Variants in PCNT observed in about 807,000 individuals in gnomAD.
PCNT encodes the protein pericentrin, also known as kendrin.
A neutral mutation model predicts 380.4 loss-of-function variants in PCNT; 319 were observed. That is an observed-to-expected ratio of 0.84 (90% confidence interval 0.77 to 0.92). PCNT has a LOEUF of 0.92. Among genes scored for constraint, PCNT ranks in the 40% least tolerant of loss-of-function variants. The probability of loss-of-function intolerance (pLI) is 0.00; values close to 1 mark genes in which losing one functional copy is unlikely to be tolerated. For synonymous variants in PCNT, 1,845 were observed against 1,735.2 expected, an observed-to-expected ratio of 1.06 and a Z score of -1.57; for missense variants, 4,400 against 4,255.3, an observed-to-expected ratio of 1.03 and a Z score of -0.95.
At position 46,356,955 on chromosome 21, in the gene PCNT, C is replaced by T; in HGVS notation, c.1937-19C>T. On this transcript the variant is annotated intron_variant, in intron 12 of 46. Transcript: ENST00000359568. Reference sequence around the variant, plus strand: ...GCCGGCACCGGCCTGACTGTCTTCCCTGCTCCTTTTCCACACAGAGCTTCC... The same window carrying T: ...GCCGGCACCGGCCTGACTGTCTTCCTTGCTCCTTTTCCACACAGAGCTTCC... 1 of 1,611,572 alleles carries T rather than the reference C, an allele frequency of 6.2e-7. No individual in the cohort carries two copies. Among genetic ancestry groups the T allele is most frequent in the Non-Finnish European group, 8.5e-7 (1 of 1,178,354 alleles).
chr21:46,429,509 C>CG (rs1283591341), intron 35 of PCNT, among the ~76,000 whole-genome samples: 2 of 150,542 alleles, frequency 1.3e-5, no homozygotes, highest in Non-Finnish European at 3.0e-5. Context: ...CCGGTGCTGT[C>CG]TGAGTGCTCG....
chr21:46,332,519 G>A (rs773037246), intron 2 of PCNT, among the ~76,000 whole-genome samples: 3 of 152,216 alleles, frequency 2.0e-5, no homozygotes, highest in Admixed American at 6.5e-5. Context: ...GAAGTGGATG[G>A]TCCAGGTTCC....
chr21:46,436,095 G>GCTGCTC lies in PCNT; in HGVS notation c.8944_8949dup (p.Leu2982_Leu2983dup). The GCTGCTC allele has an allele frequency of 6.2e-7, 1 of 1,611,608 alleles. No homozygotes were observed. The highest frequency in any genetic ancestry group is 8.5e-7 in the Non-Finnish European group (1 of 1,179,868). On this transcript the variant is annotated inframe_insertion, in exon 39 of 47. Coordinates refer to ENST00000359568, the MANE Select transcript of PCNT (RefSeq NM_006031.6). ...GAGAGCTGGAGGCGATGAGGCAGCGGCTGCTCTCTGCCGCCCGGCTTCTCA... is the reference window on the plus strand; with the variant it reads ...GAGAGCTGGAGGCGATGAGGCAGCGGCTGCTCCTGCTCTCTGCCGCCCGGCTTCTCA...
chr21:46,428,577 G>A lies in PCNT; in HGVS notation c.7677G>A (p.Gln2559=). Residue 2559 remains glutamine, a synonymous_variant, in exon 35 of 47, where the codon CAG becomes CAA. Coordinates refer to ENST00000359568, the MANE Select transcript of PCNT (RefSeq NM_006031.6). ...AEARGSQQEH[Q]LRRQVELLAY... Reference sequence around the variant, plus strand: ...CGCGCGGGAGCCAGCAGGAGCACCAGCTGCGCAGGCAGGGTGGGTGTCACT... The same window carrying A: ...CGCGCGGGAGCCAGCAGGAGCACCAACTGCGCAGGCAGGGTGGGTGTCACT... 1 of 1,599,644 alleles carries A rather than the reference G, an allele frequency of 6.3e-7. No homozygotes were observed. The highest frequency in any genetic ancestry group is 8.5e-7 in the Non-Finnish European group (1 of 1,178,192).
chr21:46,388,670 C>T lies in PCNT; in HGVS notation c.3465-72C>T. 6.3e-7 allele frequency: 1 copy of T among 1,595,364 alleles called. No homozygotes were observed. Among genetic ancestry groups the T allele is most frequent in the Non-Finnish European group, 8.5e-7 (1 of 1,170,756 alleles). On this transcript the variant is annotated intron_variant, in intron 17 of 46. Coordinates refer to ENST00000359568, the MANE Select transcript of PCNT (RefSeq NM_006031.6). The surrounding 1 kb of genome is among the most constrained non-coding windows in gnomAD (Gnocchi z 4.2). ...AGGTGTGCAAACTGGTGGGCGGCCCCTCAGCAGCATCCAGGGTGGGGGTTC... is the reference window on the plus strand; with the variant it reads ...AGGTGTGCAAACTGGTGGGCGGCCCTTCAGCAGCATCCAGGGTGGGGGTTC...
At chr21:46,356,947 T>C (rs779166858) in intron 12 of PCNT, 27 bp from the exon 13 acceptor site, 3 of 1,607,282 alleles carry the variant, frequency 1.9e-6, no homozygotes, top group Non-Finnish European at 2.6e-6. Context: ...CCGGCCTGAC[T>C]GTCTTCCCTG....
chr21:46,380,550 A>G (rs1459307981), intron 15 of PCNT, among the ~76,000 whole-genome samples: 1 of 150,990 alleles, frequency 6.6e-6, no homozygotes, highest in Non-Finnish European at 1.5e-5. Flanking sequence ...TGTGCATGGA[A>G]ATTTTGGGGT....
intron 27 of PCNT, among the ~76,000 whole-genome samples, chr21:46,406,188 G>C (rs142088631): frequency 4.2e-4 from 64 of 152,320 alleles, no homozygotes; most frequent in African/African-American, 1.5e-3. Context: ...GTTGTCACTT[G>C]TTCTGTACTG....
In PCNT at chr21:46,381,746, T is replaced by C. The variant is rs1472689673; in HGVS notation, c.3218T>C (p.Leu1073Pro). Residue 1073 changes from leucine to proline, a missense_variant, in exon 16 of 47, where the codon CTT (leucine) becomes CCT (proline). Leu to Pro is a moderately conservative substitution (Grantham distance 98). Coordinates refer to ENST00000359568, the MANE Select transcript of PCNT (RefSeq NM_006031.6). The part of the protein sequence containing the change: ...KTALHEKEET[L>P]RLQSAQAQPF... ...GCTTTGCATGAAAAAGAGGAGACAC[T>C]TCGGCTTCAGAGTGCACAGGCACAG... is the stretch of plus-strand genomic sequence containing the variant. 4 of 1,614,120 alleles carry C rather than the reference T, an allele frequency of 2.5e-6. No individual in the cohort carries two copies. In the Admixed American group the frequency reaches 6.7e-5, roughly 27 times the overall value.
chr21:46,346,105 C>G, intron 3 of PCNT, 23 bp from the exon 4 acceptor site: 1 of 1,610,176 alleles, frequency 6.2e-7, no homozygotes, highest in South Asian at 1.1e-5. Context: ...TCTGGACCTA[C>G]ATTCTTTGCC....
Position 46,402,149 on chromosome 21 carries a change from G to GC in PCNT, c.4963-180dup, listed in dbSNP as rs11417856. 0.31 allele frequency among the ~76,000 whole-genome samples: 47,035 copies of GC among 151,944 alleles called. 9,037 individuals are homozygous for GC. The highest frequency in any genetic ancestry group is 0.55 in the African/African-American group (22,670 of 41,408). ...GATTACAGGCGTGAGCCCATGCCCA[G>GC]CCTGACCACTGTGTATTCTTTGCAG... On this transcript the variant is annotated intron_variant, in intron 26 of 46. Transcript: ENST00000359568.
At position 46,346,653 on chromosome 21, in the gene PCNT, C is replaced by T. The variant is rs887109672; in HGVS notation, c.721-90C>T. On this transcript the variant is annotated intron_variant, in intron 4 of 46. Coordinates refer to ENST00000359568, the MANE Select transcript of PCNT (RefSeq NM_006031.6). ...CTGCTGTTTCATTTTCTGTGTCTTC[C>T]TTACTCATTCTCATTCATGCTTCTG... 43 of 1,456,672 alleles carry T rather than the reference C, an allele frequency of 3.0e-5. No individual in the cohort carries two copies. In the East Asian group the frequency reaches 3.2e-4, roughly 11 times the overall value. 90.2% of individuals were successfully genotyped at this position (1,456,672 alleles called of 1,614,324 possible).
At chr21:46,328,213 G>C (rs899221696) in intron 2 of PCNT, among the ~76,000 whole-genome samples, 2 of 149,826 alleles carry the variant, frequency 1.3e-5, no homozygotes, top group African/African-American at 4.9e-5. Context: ...CCTGAATTTT[G>C]CTTTTTATCT....
chr21:46,324,352 C>T, intron 1 of PCNT, 70 bp downstream of exon 1: 1 of 1,268,432 alleles, frequency 7.9e-7, no homozygotes, highest in Non-Finnish European at 1.1e-6. Flanking sequence ...GTGCCCGCCA[C>T]CGCCCCCTGC....
chr21:46,352,297 G>A (rs895587202), intron 9 of PCNT, among the ~76,000 whole-genome samples: 2 of 152,376 alleles, frequency 1.3e-5, no homozygotes, highest in Admixed American at 6.5e-5. Context: ...GCCTGGCTCC[G>A]CCTCCCAGCC....
chr21:46,336,196 C>G (rs916697788), intron 3 of PCNT, among the ~76,000 whole-genome samples: 3 of 152,014 alleles, frequency 2.0e-5, no homozygotes, highest in African/African-American at 4.8e-5. Flanking sequence ...AGACTGGTCT[C>G]GAACTCCTGA....
At chr21:46,346,711 G>C (rs1451378260) in intron 4 of PCNT, 32 bp from the exon 5 acceptor site, 1 of 1,580,838 alleles carries the variant, frequency 6.3e-7, no homozygotes, top group Non-Finnish European at 8.6e-7. Flanking sequence ...TCTGACCATG[G>C]GCCCTTATCA....
rs78365528 is a variant in PCNT, at chr21:46,435,873, G to A, written c.8752-31G>A. 2.3e-3 allele frequency: 3,646 copies of A among 1,613,690 alleles called. 83 individuals are homozygous for A. The African/African-American group carries it at 0.043, about 19-fold the overall frequency. On this transcript the variant is annotated intron_variant, in intron 38 of 46. Transcript: ENST00000359568. ...TTTGTTTTTGGACACTGACGTGAAC[G>A]TCTTCTCTGTCTTTTTTCTGTTAAC...
chr21:46,445,527 C>G lies in PCNT; in HGVS notation c.*200C>G. The G allele has an allele frequency of 1.6e-6, 1 of 619,538 alleles. No homozygotes were observed. The allele number at this position is 619,538 out of a possible 1,614,324, so 38.4% of individuals were successfully genotyped here. ...GCTGGAGCATTTTCTATGGAGCCTCCGTATGTTTTAGGCCCATGACCTTCG... is the reference window on the plus strand; with the variant it reads ...GCTGGAGCATTTTCTATGGAGCCTCGGTATGTTTTAGGCCCATGACCTTCG... On this transcript the variant is annotated 3_prime_UTR_variant, in exon 47 of 47. Coordinates refer to ENST00000359568, the MANE Select transcript of PCNT (RefSeq NM_006031.6).
Sources: gnomAD v4.1 joint callset for allele counts (sites outside exome capture counted in the v4.1 genomes callset) on GRCh38, gnomAD v4.1.1 for gene constraint, Gnocchi (gnomAD v3.1) non-coding constraint, MANE v1.5 for transcripts, NCBI Gene and HGNC (gene_info 2026-07-23, HGNC 2026-07-21) for gene names.